HSH2D: variants seen among roughly 807,000 people sequenced by gnomAD.
HSH2D encodes hematopoietic SH2 domain containing, also known as hematopoietic SH2 domain-containing protein.
Under a neutral mutation model 21.5 loss-of-function variants are expected in HSH2D, and 16 were observed. That is an observed-to-expected ratio of 0.74 (90% CI 0.50 to 1.13). HSH2D has a LOEUF of 1.13. Ranked by LOEUF, HSH2D falls within the 50% of genes most tolerant of loss-of-function variation. The pLI, the probability that HSH2D is intolerant of heterozygous loss-of-function variation, is 0.00. For missense variants in HSH2D, 418 were observed against 441.4 expected (o/e 0.95, Z 0.47); for synonymous variants, 172 against 184.7 (o/e 0.93, Z 0.56).
In HSH2D at chr19:16,153,137, G is replaced by A. The variant is rs772512381; in HGVS notation, c.310G>A (p.Ala104Thr). The A allele has an allele frequency of 1.9e-6, 3 of 1,590,466 alleles. No homozygotes were observed. The highest frequency in any genetic ancestry group is 2.3e-5 in the East Asian group (1 of 43,872). The change falls in exon 4 of 6, where the codon GCC (alanine) becomes ACC (threonine). Residue 104 changes from alanine (A) to threonine (T), a missense_variant. Physicochemically the swap from Ala to Thr is moderately conservative, Grantham distance 58. Coordinates refer to ENST00000613986, the MANE Select transcript of HSH2D (RefSeq NM_001382417.1). ...GEKVAHTSLD[A>T]LVTFHQQKPI... ...GAAGGTGGCCCACACCTCGCTGGAC[G>A]CCCTGGTCACCTTCCACCAGCAGAA...
intron 3 of HSH2D, 78 bp downstream of exon 3, chr19:16,152,719 G>A (rs2145051262): frequency 9.4e-7 from 1 of 1,061,672 alleles, no homozygotes; most frequent in East Asian, 2.6e-5. Flanking sequence ...GGTGCTTCAT[G>A]TCATAGCTTC....
chr19:16,155,060 C>T (rs901958645), intron 5 of HSH2D, among the ~76,000 whole-genome samples: 14 of 152,176 alleles, frequency 9.2e-5, no homozygotes, highest in African/African-American at 3.4e-4. Flanking sequence ...TTCTCCCACC[C>T]CTCTGAAAGG....
In HSH2D at chr19:16,152,620, T is replaced by TG; in HGVS notation, c.197dup (p.Tyr67LeufsTer21). On this transcript the variant is annotated frameshift_variant, in exon 3 of 6. Coordinates refer to ENST00000613986, the MANE Select transcript of HSH2D (RefSeq NM_001382417.1). LOFTEE classifies it high-confidence loss of function. ...CTCATCAGGGTCAGTCACAGCCATG[T>TG]GGGCTACACACTCTCCTACAAGTAA... 1 of 1,524,196 alleles carries TG rather than the reference T, an allele frequency of 6.6e-7. No homozygotes were observed. The highest frequency in any genetic ancestry group is 8.8e-7 in the Non-Finnish European group (1 of 1,138,742). The allele number at this position is 1,524,196 out of a possible 1,614,324, so 94.4% of individuals were successfully genotyped here.
At chr19:16,141,029 A>G (rs1043909482), upstream of HSH2D, among the ~76,000 whole-genome samples, 10 of 152,228 alleles carry the variant, frequency 6.6e-5, no homozygotes, top group Non-Finnish European at 1.3e-4. Context: ...TTAAGTCACA[A>G]CAAAGAGTCC....
chr19:16,153,020 C>CA, intron 3 of HSH2D, 23 bp from the exon 4 acceptor site: 1 of 1,602,178 alleles, frequency 6.2e-7, no homozygotes, highest in Non-Finnish European at 8.5e-7. Flanking sequence ...TAGGATGTCC[C>CA]AGCCCCCGCA....
chr19:16,157,131 A>G lies in HSH2D; in HGVS notation c.475-79A>G. 1 of 1,225,072 alleles carries G rather than the reference A, an allele frequency of 8.2e-7. No homozygotes were observed. The highest frequency in any genetic ancestry group is 1.1e-6 in the Non-Finnish European group (1 of 886,688). 75.9% of individuals were successfully genotyped at this position (1,225,072 alleles called of 1,614,324 possible). On this transcript the variant is annotated intron_variant, in intron 5 of 5. Coordinates refer to ENST00000613986, the MANE Select transcript of HSH2D (RefSeq NM_001382417.1). This position sits in a 1 kb window ranked among gnomAD's most constrained non-coding sequence, Gnocchi z 4.4. ...CTCAGCCACAGGGTGTCTGGGTGGA[A>G]CCCAGGCTCCAATTTCTGGGACAGA...
In HSH2D at chr19:16,149,617, G is replaced by A. The variant is rs191184619; in HGVS notation, c.125+742G>A. ...TTTTTTTTTTTTGAGACAGAGTTCC[G>A]CTCCTGTTGCCCAGGCTGGTGTGTA... On this transcript the variant is annotated intron_variant, in intron 2 of 5. Coordinates refer to ENST00000613986, the MANE Select transcript of HSH2D (RefSeq NM_001382417.1). 3.5e-4 allele frequency among the ~76,000 whole-genome samples: 49 copies of A among 139,448 alleles called. 1 individual carries two copies. In the East Asian group the frequency reaches 0.01, roughly 29 times the overall value. The allele number at this position is 139,448 out of a possible 152,430, so 91.5% of individuals were successfully genotyped here. A position where few individuals can be genotyped will look rare whatever the true frequency, so the allele number is the denominator to read the frequency against.
intron 1 of HSH2D, among the ~76,000 whole-genome samples, chr19:16,147,713 T>G (rs1015465482): frequency 6.8e-6 from 1 of 146,876 alleles, no homozygotes; most frequent in African/African-American, 2.5e-5. Context: ...TGGTGCAATC[T>G]CGGCTCACTG....
At chr19:16,145,094 A>G (rs1414410893) in intron 1 of HSH2D, among the ~76,000 whole-genome samples, 1 of 138,214 alleles carries the variant, frequency 7.2e-6, no homozygotes, top group Admixed American at 7.7e-5. Flanking sequence ...GCTGGAGTGC[A>G]GTGGTGCGAT....
chr19:16,157,150 G>T lies in HSH2D; in HGVS notation c.475-60G>T. 7.1e-7 allele frequency: 1 copy of T among 1,404,928 alleles called. No homozygotes were observed. The highest frequency in any genetic ancestry group is 1.4e-5 in the South Asian group (1 of 69,910). 87.0% of individuals were successfully genotyped at this position (1,404,928 alleles called of 1,614,324 possible). A position where few individuals can be genotyped will look rare whatever the true frequency, so the allele number is the denominator to read the frequency against. ...GGTGGAACCCAGGCTCCAATTTCTG[G>T]GACAGACATGGTGCTCTGGTGGGCA... On this transcript the variant is annotated intron_variant, in intron 5 of 5. Coordinates refer to ENST00000613986, the MANE Select transcript of HSH2D (RefSeq NM_001382417.1). The surrounding 1 kb of genome is among the most constrained non-coding windows in gnomAD (Gnocchi z 4.4).
chr19:16,152,933 G>C, intron 3 of HSH2D, 110 bp from the exon 4 acceptor site: 1 of 1,313,344 alleles, frequency 7.6e-7, no homozygotes, highest in Non-Finnish European at 1.1e-6. Flanking sequence ...GCCTGCATGG[G>C]AACCTGGGGT....
intron 1 of HSH2D, among the ~76,000 whole-genome samples, chr19:16,137,731 A>G (rs1449033762): frequency 6.6e-6 from 1 of 151,832 alleles, no homozygotes; most frequent in African/African-American, 2.4e-5. Flanking sequence ...ACAGGTGCAT[A>G]CCACCACACC....
rs549958923 is a variant in HSH2D at position 16,157,951 on chromosome 19, C to T, written c.*157C>T. The T allele has an allele frequency of 6.7e-6, 4 of 599,774 alleles. No homozygotes were observed. In the East Asian group the frequency reaches 1.1e-4, roughly 17 times the overall value. 37.2% of individuals were successfully genotyped at this position (599,774 alleles called of 1,614,324 possible). ...TGTTTTTGGGGTCTGTTCCTGCACT[C>T]ACCCATGGGGTGAGCTGGTTATTTT... On this transcript the variant is annotated 3_prime_UTR_variant, in exon 6 of 6. Transcript: ENST00000613986. The surrounding 1 kb of genome is among the most constrained non-coding windows in gnomAD (Gnocchi z 4.4).
chr19:16,147,682 G>A (rs1481352439), intron 1 of HSH2D, among the ~76,000 whole-genome samples: 1 of 151,276 alleles, frequency 6.6e-6, no homozygotes, highest in East Asian at 2.0e-4. Flanking sequence ...GTCTCACTCT[G>A]TTGCCCAGGC....
At chr19:16,154,760 G>A (rs966251389) in intron 5 of HSH2D, 33 of 310,372 alleles carry the variant, frequency 1.1e-4, no homozygotes, top group Admixed American at 5.2e-4. Flanking sequence ...GGGTCTCTGC[G>A]TGTGCCGGCC....
intron 1 of HSH2D, among the ~76,000 whole-genome samples, chr19:16,137,529 A>G (rs1483636765): frequency 1.3e-5 from 2 of 150,938 alleles, no homozygotes; most frequent in African/African-American, 4.9e-5. Context: ...ATGAACCTAG[A>G]TCATGCCACT....
At chr19:16,141,974 T>C (rs1221074991), upstream of HSH2D, 2 of 152,070 alleles carry the variant, frequency 1.3e-5, no homozygotes, top group African/African-American at 4.8e-5. Context: ...TAGTCCCAGC[T>C]ACTTGGGAGC....
intron 1 of HSH2D, among the ~76,000 whole-genome samples, chr19:16,136,422 A>G (rs986295222): frequency 2.0e-5 from 3 of 152,144 alleles, no homozygotes; most frequent in Non-Finnish European, 2.9e-5. Context: ...GAATCCCAGC[A>G]CCACTCAAGA....
upstream of HSH2D, among the ~76,000 whole-genome samples, chr19:16,140,479 C>A (rs1410214715): frequency 6.6e-6 from 1 of 151,850 alleles, no homozygotes; most frequent in East Asian, 1.9e-4. Context: ...GTGGTGCACA[C>A]TTATAATCTC....
Sources: gnomAD v4.1 joint callset for allele counts (sites outside exome capture counted in the v4.1 genomes callset) on GRCh38, gnomAD v4.1.1 for gene constraint, Gnocchi (gnomAD v3.1) non-coding constraint, MANE v1.5 for transcripts, NCBI Gene and HGNC (gene_info 2026-07-23, HGNC 2026-07-21) for gene names.